FMO4: variants seen among roughly 807,000 people sequenced by gnomAD.
The protein encoded by FMO4 is flavin containing dimethylaniline monoxygenase 4, also known as dimethylaniline monooxygenase [N-oxide-forming] 4.
FMO4 carries 38 observed loss-of-function variants against 43.3 expected under a neutral mutation model. The ratio of observed to expected loss-of-function variants is 0.88; its 90% CI spans 0.68 to 1.15. The LOEUF is 1.15. FMO4 is among the 50% of genes most tolerant of loss of function. The pLI, the probability that FMO4 is intolerant of heterozygous loss-of-function variation, is 0.00. For synonymous variants in FMO4, 224 were observed against 232.2 expected (o/e 0.96, Z 0.32); for missense variants, 631 against 663.3 (o/e 0.95, Z 0.54).
At chr1:171,324,037 G>A in intron 4 of FMO4, 101 bp from the exon 5 acceptor site, 1 of 1,051,154 alleles carries the variant, frequency 9.5e-7, no homozygotes, top group South Asian at 2.2e-5. Context: ...TCCTGTCATG[G>A]GACTTGGCCT....
At chr1:171,322,599 T>A (rs1662479823) in intron 3 of FMO4, among the ~76,000 whole-genome samples, 1 of 152,176 alleles carries the variant, frequency 6.6e-6, no homozygotes, top group South Asian at 2.1e-4. Context: ...ATGCCTGTAA[T>A]CCAGGCACTT....
chr1:171,322,673 T>C (rs1662482270), intron 3 of FMO4, among the ~76,000 whole-genome samples: 2 of 151,914 alleles, frequency 1.3e-5, no homozygotes, highest in South Asian at 4.2e-4. Flanking sequence ...GCCAACATGG[T>C]GAAATCCCAT....
Position 171,327,593 on chromosome 1 carries a change from A to G in FMO4, c.484+3293A>G, listed in dbSNP as rs559438825. ...ACAAAATTGAATAATACTATGGTCCACTCTATGGGGGTGCTGTGAGGTTTA... is the reference window on the plus strand; with the variant it reads ...ACAAAATTGAATAATACTATGGTCCGCTCTATGGGGGTGCTGTGAGGTTTA... On this transcript the variant is annotated intron_variant, in intron 5 of 9. Transcript: ENST00000367749. Among the ~76,000 whole-genome samples, 7 of 151,964 alleles carry G rather than the reference A, an allele frequency of 4.6e-5. No individual in the cohort carries two copies. In the South Asian group the frequency reaches 1.5e-3, roughly 32 times the overall value.
At chr1:171,341,148 G>GA (rs569046127) in intron 9 of FMO4, among the ~76,000 whole-genome samples, 7 of 147,690 alleles carry the variant, frequency 4.7e-5, no homozygotes, top group African/African-American at 1.5e-4. Context: ...CAACTTAACG[G>GA]AAAAAAAAAA....
At chr1:171,324,408 A>G (rs1304212599) in intron 5 of FMO4, 108 bp downstream of exon 5, 1 of 808,610 alleles carries the variant, frequency 1.2e-6, no homozygotes, top group East Asian at 2.6e-5. Flanking sequence ...ATGGCTTTAT[A>G]TTCATTCTCA....
chr1:171,319,153 C>T (rs754258476), intron 2 of FMO4, among the ~76,000 whole-genome samples: 1 of 152,032 alleles, frequency 6.6e-6, no homozygotes, highest in Non-Finnish European at 1.5e-5. Context: ...ATGGTGAATG[C>T]GGGTATTTTA....
At chr1:171,331,891 A>C in intron 6 of FMO4, 109 bp downstream of exon 6, 1 of 927,058 alleles carries the variant, frequency 1.1e-6, no homozygotes, top group Non-Finnish European at 1.7e-6. Flanking sequence ...TTATGCAGAC[A>C]CACAGTAAGT....
At chr1:171,329,258 G>A (rs1194724029) in intron 5 of FMO4, among the ~76,000 whole-genome samples, 1 of 152,118 alleles carries the variant, frequency 6.6e-6, no homozygotes, top group African/African-American at 2.4e-5. Context: ...GGCTTTGTCA[G>A]GTGGTGTCCC....
chr1:171,314,475 T>C (rs762073537), intron 1 of FMO4, 62 bp downstream of exon 1: 2 of 152,162 alleles, frequency 1.3e-5, no homozygotes, highest in Non-Finnish European at 2.9e-5. Context: ...TCACAAAAGA[T>C]GAATGTTTTT....
chr1:171,340,025 C>T (rs567312436), intron 9 of FMO4, among the ~76,000 whole-genome samples: 1 of 152,184 alleles, frequency 6.6e-6, no homozygotes. Context: ...GATGGATAAA[C>T]TGAGCCTCGC....
chr1:171,340,589 G>A (rs1269736706), intron 9 of FMO4, among the ~76,000 whole-genome samples: 1 of 152,098 alleles, frequency 6.6e-6, no homozygotes, highest in Non-Finnish European at 1.5e-5. Context: ...TGACTTGAGT[G>A]TTCCTTTTTA....
At chr1:171,331,830 T>C (rs1221640724) in intron 6 of FMO4, 48 bp downstream of exon 6, 4 of 1,565,852 alleles carry the variant, frequency 2.6e-6, no homozygotes, top group South Asian at 1.1e-5. Flanking sequence ...TCAGTTATGA[T>C]GGCTGGAAAG....
chr1:171,338,173 C>T (rs1323026702), intron 9 of FMO4, among the ~76,000 whole-genome samples: 4 of 152,056 alleles, frequency 2.6e-5, no homozygotes, highest in Non-Finnish European at 4.4e-5. Flanking sequence ...CATCCCATAT[C>T]GGCAAATATT....
chr1:171,337,902 GTC>G (rs879789370), intron 9 of FMO4, among the ~76,000 whole-genome samples: 13 of 152,074 alleles, frequency 8.5e-5, no homozygotes, highest in Admixed American at 8.5e-4. Flanking sequence ...CCCAAACTGT[GTC>G]TCTGACTCAA....
At chr1:171,322,004 G>A (rs968127880) in intron 3 of FMO4, among the ~76,000 whole-genome samples, 18 of 152,262 alleles carry the variant, frequency 1.2e-4, no homozygotes, top group African/African-American at 3.1e-4. Flanking sequence ...GTTCATTGGT[G>A]TCTTTAATAT....
chr1:171,337,486 T>C, intron 9 of FMO4, 61 bp downstream of exon 9: 1 of 1,196,218 alleles, frequency 8.4e-7, no homozygotes, highest in Non-Finnish European at 1.2e-6. Flanking sequence ...AAAAAAGGAT[T>C]CAGAGTATAA....
intron 3 of FMO4, among the ~76,000 whole-genome samples, chr1:171,322,162 T>C (rs1662460951): frequency 6.6e-6 from 1 of 152,090 alleles, no homozygotes; most frequent in Non-Finnish European, 1.5e-5. Flanking sequence ...GAAGGGGACA[T>C]AGGTTGAGAG....
At chr1:171,329,123 G>A (rs547004639) in intron 5 of FMO4, among the ~76,000 whole-genome samples, 42 of 152,176 alleles carry the variant, frequency 2.8e-4, no homozygotes, top group African/African-American at 9.4e-4. Context: ...CCTACCAGCT[G>A]CAGTTTCTGA....
chr1:171,325,083 G>T (rs45611031), intron 5 of FMO4, among the ~76,000 whole-genome samples: 6,678 of 152,096 alleles, frequency 0.044, 467 homozygotes, highest in African/African-American at 0.15. Context: ...AACTTCAGCC[G>T]GGGCCACAGA....
Sources: allele counts gnomAD v4.1 joint callset (sites outside exome capture counted in the v4.1 genomes callset), GRCh38; gene constraint gnomAD v4.1.1; transcripts MANE v1.5; gene names NCBI Gene and HGNC (gene_info 2026-07-23, HGNC 2026-07-21).